SMARCA5: variants seen among roughly 807,000 people sequenced by gnomAD.
SMARCA5 encodes SNF2 related chromatin remodeling ATPase 5.
In SMARCA5, 18 loss-of-function variants were observed where a neutral mutation model predicts 140.4. That is an observed-to-expected ratio of 0.13 (90% CI 0.09 to 0.19). SMARCA5 has a LOEUF of 0.19. SMARCA5 is among the 10% of genes least tolerant of loss of function. The pLI is 1.00. For missense variants in SMARCA5, 606 were observed against 1,276.8 expected (o/e 0.47, Z 8.01); for synonymous variants, 449 against 419.6 (o/e 1.07, Z -0.86).
chr4:143,522,698 G>A (rs1157924214), intron 3 of SMARCA5, among the ~76,000 whole-genome samples: 1 of 152,114 alleles, frequency 6.6e-6, no homozygotes, highest in Non-Finnish European at 1.5e-5. Context: ...TCAGAAGTTT[G>A]CATTAGTGTC....
At chr4:143,517,207 T>C in intron 1 of SMARCA5, 148 bp from the exon 2 acceptor site, 1 of 561,112 alleles carries the variant, frequency 1.8e-6, no homozygotes, top group East Asian at 3.1e-5. Context: ...TCAGTTTTTC[T>C]GTTAGCTTAG....
Position 143,544,808 on chromosome 4 carries a change from C to T in SMARCA5, c.2244C>T (p.Phe748=), listed in dbSNP as rs1450817473. ...CCAACTATGCCGTTGATGCATATTTCAGGGAAGCTCTTCGTGTTAGTGAAC... is the reference window on the plus strand; with the variant it reads ...CCAACTATGCCGTTGATGCATATTTTAGGGAAGCTCTTCGTGTTAGTGAAC... The part of the protein sequence containing the change: ...RKANYAVDAY[F]REALRVSEPK... The change falls in exon 17 of 24, where the codon TTC becomes TTT. Residue 748 remains phenylalanine, a synonymous_variant. Coordinates refer to ENST00000283131, the MANE Select transcript of SMARCA5 (RefSeq NM_003601.4). The T allele has an allele frequency of 3.7e-6, 6 of 1,612,456 alleles. No individual in the cohort carries two copies. Among genetic ancestry groups the T allele is most frequent in the East Asian group, 2.2e-5 (1 of 44,830 alleles).
At chr4:143,540,316 T>C in intron 13 of SMARCA5, 47 bp from the exon 14 acceptor site, 1 of 1,501,522 alleles carries the variant, frequency 6.7e-7, no homozygotes, top group Non-Finnish European at 9.0e-7. Context: ...CAGTGTTATT[T>C]ATGTGACTTT....
chr4:143,517,123 C>T (rs1736857522), intron 1 of SMARCA5, among the ~76,000 whole-genome samples: 1 of 152,166 alleles, frequency 6.6e-6, no homozygotes, highest in African/African-American at 2.4e-5. Context: ...GTGTTCTAAT[C>T]TTGGCAACAA....
At chr4:143,514,215 A>G in intron 1 of SMARCA5, 114 bp downstream of exon 1, 1 of 935,440 alleles carries the variant, frequency 1.1e-6, no homozygotes, top group East Asian at 2.8e-5. Flanking sequence ...CACCAGACTC[A>G]GCTTCACACC....
chr4:143,537,132 A>C (rs866957885), intron 11 of SMARCA5, among the ~76,000 whole-genome samples: 4 of 152,174 alleles, frequency 2.6e-5, no homozygotes, highest in African/African-American at 9.7e-5. Flanking sequence ...TTTTTTTATG[A>C]AAATGGGTAT....
chr4:143,557,434 G>A lies in SMARCA5; in HGVS notation c.*4250G>A, dbSNP rs899045281. 3 of 152,154 alleles carry A rather than the reference G, an allele frequency of 2.0e-5. No homozygotes were observed. The highest frequency in any genetic ancestry group is 7.2e-5 in the African/African-American group (3 of 41,436). The allele number at this position is 152,154 out of a possible 1,614,324, so 9.4% of individuals were successfully genotyped here. The stretch of plus-strand genomic sequence containing the variant: ...ATAGATTGTGAATAAATTGGGAAAA[G>A]AAATAGAGATAAGTAGAGATTATTT... On this transcript the variant is annotated 3_prime_UTR_variant, in exon 24 of 24. Transcript: ENST00000283131.
intron 6 of SMARCA5, among the ~76,000 whole-genome samples, chr4:143,527,655 G>GT (rs945731756): frequency 1.3e-5 from 2 of 152,084 alleles, no homozygotes; most frequent in African/African-American, 4.8e-5. Flanking sequence ...AACTTTGTCA[G>GT]TTTTTTAAAA....
chr4:143,543,739 T>A, intron 15 of SMARCA5, 82 bp downstream of exon 15: 1 of 1,500,666 alleles, frequency 6.7e-7, no homozygotes, highest in Non-Finnish European at 9.1e-7. Flanking sequence ...TGATGATAAA[T>A]AATTTTATTT....
Position 143,513,712 on chromosome 4 carries a change from C to T in SMARCA5, c.-213C>T. The T allele has an allele frequency of 1.7e-6, 1 of 586,530 alleles. No homozygotes were observed. The highest frequency in any genetic ancestry group is 2.9e-6 in the Non-Finnish European group (1 of 340,338). 36.3% of individuals were successfully genotyped at this position (586,530 alleles called of 1,614,324 possible). On this transcript the variant is annotated 5_prime_UTR_variant, in exon 1 of 24. Coordinates refer to ENST00000283131, the MANE Select transcript of SMARCA5 (RefSeq NM_003601.4). The stretch of plus-strand genomic sequence containing the variant: ...CGCCGTGAGGTAAGCGCCGGTGGAA[C>T]CTAGAGCCCCGCGGAAGAGCAGAAC...
In SMARCA5 at chr4:143,549,964, A is replaced by G. The variant is rs976034387; in HGVS notation, c.2986-33A>G. The G allele has an allele frequency of 3.3e-6, 4 of 1,197,022 alleles. No homozygotes were observed. In the African/African-American group the frequency reaches 6.1e-5, roughly 18 times the overall value. 74.2% of individuals were successfully genotyped at this position (1,197,022 alleles called of 1,614,324 possible). ...TTGAAATCATGAAACTTGTGGATGG[A>G]AAGTGCGTGTACCATGTTTGTTTAT... is the stretch of plus-strand genomic sequence containing the variant. On this transcript the variant is annotated intron_variant, in intron 22 of 23. Transcript: ENST00000283131.
In SMARCA5 at chr4:143,526,470, T is replaced by C. The variant is rs777598066; in HGVS notation, c.801+10T>C. ...AGATAAAGAACAAAGAGTAAGTTTCTAGTATTTCATTACATTTTTGAGGCT... is the reference window on the plus strand; with the variant it reads ...AGATAAAGAACAAAGAGTAAGTTTCCAGTATTTCATTACATTTTTGAGGCT... On this transcript the variant is annotated intron_variant, in intron 6 of 23. Transcript: ENST00000283131. The C allele has an allele frequency of 2.5e-6, 4 of 1,581,774 alleles. No individual in the cohort carries two copies. The South Asian group carries it at 3.4e-5, about 13-fold the overall frequency.
At position 143,556,946 on chromosome 4, in the gene SMARCA5, A is replaced by T. The variant is rs189477202; in HGVS notation, c.*3762A>T. 3.9e-5 allele frequency: 6 copies of T among 152,360 alleles called. No homozygotes were observed. The highest frequency in any genetic ancestry group is 1.2e-4 in the African/African-American group (5 of 41,584). 9.4% of individuals were successfully genotyped at this position (152,360 alleles called of 1,614,324 possible). ...ATGATTCTAAATGAAAAAAATGAAG[A>T]AGTGGAATAGTTTCTCCACAGGCAT... On this transcript the variant is annotated 3_prime_UTR_variant, in exon 24 of 24. Transcript: ENST00000283131.
chr4:143,546,697 T>C (rs570260169), intron 19 of SMARCA5, 79 bp from the exon 20 acceptor site: 4 of 1,370,258 alleles, frequency 2.9e-6, no homozygotes, highest in East Asian at 2.3e-5. Flanking sequence ...GTTTTTGTAA[T>C]ATTTAGAAGG....
At chr4:143,548,719 A>G (rs1737579212) in intron 22 of SMARCA5, among the ~76,000 whole-genome samples, 1 of 152,080 alleles carries the variant, frequency 6.6e-6, no homozygotes, top group South Asian at 2.1e-4. Flanking sequence ...CCACCATTGA[A>G]CTTTGAGCTT....
chr4:143,529,742 A>G (rs1737145957), intron 8 of SMARCA5, among the ~76,000 whole-genome samples: 1 of 152,100 alleles, frequency 6.6e-6, no homozygotes, highest in African/African-American at 2.4e-5. Context: ...GTATTAATTA[A>G]TTTTGTTTTT....
At chr4:143,525,607 C>T (rs964604118) in intron 5 of SMARCA5, 56 bp downstream of exon 5, 35 of 1,204,908 alleles carry the variant, frequency 2.9e-5, no homozygotes, top group East Asian at 4.7e-5. Flanking sequence ...ATATCTTATA[C>T]GTTGATAAAA....
chr4:143,525,390 G>A (rs1737048563), intron 4 of SMARCA5, 61 bp from the exon 5 acceptor site: 1 of 996,516 alleles, frequency 1.0e-6, no homozygotes, highest in South Asian at 1.3e-5. Flanking sequence ...AGGCTTAGAT[G>A]AAGAGATTGC....
chr4:143,547,276 A>G (rs1033585385), intron 20 of SMARCA5, 109 bp from the exon 21 acceptor site: 1 of 644,724 alleles, frequency 1.6e-6, no homozygotes, highest in Non-Finnish European at 2.7e-6. Flanking sequence ...TCTGCTTAGA[A>G]TAGCAGAAAT....
Sources: allele counts gnomAD v4.1 joint callset (sites outside exome capture counted in the v4.1 genomes callset), GRCh38; gene constraint gnomAD v4.1.1; transcripts MANE v1.5; gene names NCBI Gene and HGNC (gene_info 2026-07-23, HGNC 2026-07-21).